Variants in SDHAF3 observed in about 807,000 individuals in gnomAD.
SDHAF3 encodes the protein succinate dehydrogenase complex assembly factor 3, also known as succinate dehydrogenase assembly factor 3, mitochondrial.
In SDHAF3, 18 loss-of-function variants were observed where a neutral mutation model predicts 11.5. The observed-to-expected ratio is 1.56, with a 90% CI of 1.08 to 2.32. The LOEUF (loss-of-function observed/expected upper bound fraction) is 2.32. SDHAF3 is among the 30% of genes most tolerant of loss of function. SDHAF3 has a pLI of 0.00. For synonymous variants in SDHAF3, 72 were observed against 59.3 expected (o/e 1.21, Z -0.99); for missense variants, 200 against 154.4 (o/e 1.30, Z -1.57).
chr7:97,136,907 A>G (rs1458384100), intron 1 of SDHAF3, among the ~76,000 whole-genome samples: 12 of 152,170 alleles, frequency 7.9e-5, no homozygotes, highest in Admixed American at 7.9e-4. Flanking sequence ...CCTAGTCCTT[A>G]ATATAATATA....
chr7:97,159,092 G>A (rs2115711731), intron 1 of SDHAF3, among the ~76,000 whole-genome samples: 1 of 152,206 alleles, frequency 6.6e-6, no homozygotes, highest in East Asian at 1.9e-4. Context: ...TGGCATACAC[G>A]TCTTTTAGAT....
intron 1 of SDHAF3, among the ~76,000 whole-genome samples, chr7:97,152,616 C>T (rs1208749031): frequency 2.7e-4 from 40 of 150,494 alleles, no homozygotes; most frequent in Non-Finnish European, 4.4e-5. Context: ...CCTCTGACTG[C>T]GTGACTTCTG....
chr7:97,127,634 G>T (rs1009353413), intron 1 of SDHAF3, among the ~76,000 whole-genome samples: 1 of 152,092 alleles, frequency 6.6e-6, no homozygotes, highest in African/African-American at 2.4e-5. Context: ...TTTTATAAAT[G>T]TATGCTTCTC....
intron 1 of SDHAF3, among the ~76,000 whole-genome samples, chr7:97,165,130 C>CA (rs1327239594): frequency 1.3e-5 from 2 of 151,792 alleles, no homozygotes; most frequent in African/African-American, 4.8e-5. Context: ...TAAAAAAATA[C>CA]AAAAAAATTA....
chr7:97,167,926 T>C (rs1789538074), intron 1 of SDHAF3, among the ~76,000 whole-genome samples: 1 of 152,210 alleles, frequency 6.6e-6, no homozygotes, highest in South Asian at 2.1e-4. Context: ...TGGATGTTTT[T>C]GTGCAGATAA....
At chr7:97,177,456 C>T (rs906354951) in intron 1 of SDHAF3, among the ~76,000 whole-genome samples, 11 of 152,006 alleles carry the variant, frequency 7.2e-5, no homozygotes, top group African/African-American at 2.4e-4. Context: ...GAGCCGAGAT[C>T]GCGCCACTGC....
intron 1 of SDHAF3, among the ~76,000 whole-genome samples, chr7:97,144,118 G>A (rs192169963): frequency 4.6e-5 from 7 of 152,028 alleles, no homozygotes; most frequent in African/African-American, 7.2e-5. Flanking sequence ...TATGGTCATC[G>A]GCCTTTTGTA....
chr7:97,142,612 T>C (rs2115670603), intron 1 of SDHAF3: 1 of 152,330 alleles, frequency 6.6e-6, no homozygotes, highest in East Asian at 1.9e-4. Context: ...CTCTAGTTTC[T>C]AATTATTCAG....
At chr7:97,136,723 T>C (rs1422685538) in intron 1 of SDHAF3, among the ~76,000 whole-genome samples, 1 of 152,224 alleles carries the variant, frequency 6.6e-6, no homozygotes, top group Non-Finnish European at 1.5e-5. Context: ...TTTAGCTTAG[T>C]CTGTAGTTAA....
At chr7:97,151,097 T>C (rs1392359085) in intron 1 of SDHAF3, among the ~76,000 whole-genome samples, 1 of 152,118 alleles carries the variant, frequency 6.6e-6, no homozygotes, top group Non-Finnish European at 1.5e-5. Flanking sequence ...CATCCCCCAC[T>C]GGAGTAGTAC....
At chr7:97,145,733 C>T (rs931467584) in intron 1 of SDHAF3, among the ~76,000 whole-genome samples, 1 of 152,164 alleles carries the variant, frequency 6.6e-6, no homozygotes, top group East Asian at 1.9e-4. Context: ...TTCCCTGTCG[C>T]TGTCAAGTGT....
At chr7:97,147,983 CCT>C (rs1189914416) in intron 1 of SDHAF3, among the ~76,000 whole-genome samples, 1 of 151,704 alleles carries the variant, frequency 6.6e-6, no homozygotes, top group Non-Finnish European at 1.5e-5. Context: ...CTCACGGCAA[CCT>C]CTCTCACTCC....
chr7:97,166,583 A>T (rs963212953), intron 1 of SDHAF3, among the ~76,000 whole-genome samples: 2 of 152,144 alleles, frequency 1.3e-5, no homozygotes, highest in African/African-American at 4.8e-5. Context: ...TGTTAGTTTT[A>T]AGGTTTCTGT....
intron 1 of SDHAF3, among the ~76,000 whole-genome samples, chr7:97,141,683 A>G (rs1163521625): frequency 6.6e-6 from 1 of 152,038 alleles, no homozygotes; most frequent in Non-Finnish European, 1.5e-5. Flanking sequence ...TTAAGTAGAG[A>G]TGGGGTTTCA....
chr7:97,173,944 A>T (rs1271865562), intron 1 of SDHAF3, among the ~76,000 whole-genome samples: 4 of 147,550 alleles, frequency 2.7e-5, no homozygotes, highest in South Asian at 4.3e-4. Context: ...TTTTAAAGAC[A>T]GAGTCTTGCT....
intron 1 of SDHAF3, among the ~76,000 whole-genome samples, chr7:97,179,802 GA>G (rs1319991888): frequency 3.4e-5 from 5 of 146,730 alleles, no homozygotes; most frequent in Non-Finnish European, 6.0e-5. Flanking sequence ...GATAAAACTT[GA>G]AATGTTTTCA....
At chr7:97,167,450 T>G (rs959805784) in intron 1 of SDHAF3, among the ~76,000 whole-genome samples, 1 of 152,212 alleles carries the variant, frequency 6.6e-6, no homozygotes, top group East Asian at 1.9e-4. Context: ...GGTAGTTTTT[T>G]TAATAGAGAA....
chr7:97,133,738 T>C (rs1010475066), intron 1 of SDHAF3, among the ~76,000 whole-genome samples: 1 of 152,238 alleles, frequency 6.6e-6, no homozygotes, highest in African/African-American at 2.4e-5. Flanking sequence ...GGTATTTGCC[T>C]CATTTACAAG....
chr7:97,139,299 G>A (rs2115660365), intron 1 of SDHAF3, among the ~76,000 whole-genome samples: 1 of 152,314 alleles, frequency 6.6e-6, no homozygotes, highest in East Asian at 1.9e-4. Flanking sequence ...CCACCTGAAG[G>A]TGGGTAGTCC....
Sources: allele counts gnomAD v4.1 joint callset (sites outside exome capture counted in the v4.1 genomes callset), GRCh38; gene constraint gnomAD v4.1.1; transcripts MANE v1.5; gene names NCBI Gene and HGNC (gene_info 2026-07-23, HGNC 2026-07-21).